PCDH7: variants seen among roughly 807,000 people sequenced by gnomAD.
PCDH7 encodes the protein protocadherin 7.
Under a neutral mutation model 58.9 loss-of-function variants are expected in PCDH7, and 17 were observed. The ratio of observed to expected loss-of-function variants is 0.29; its 90% CI spans 0.20 to 0.43. The LOEUF is 0.43. Ranked by LOEUF, PCDH7 falls within the 20% of genes least tolerant of loss-of-function variation. The probability of loss-of-function intolerance (pLI) is 1.00; values close to 1 mark genes in which losing one functional copy is unlikely to be tolerated. For missense variants in PCDH7, 1,274 were observed against 1,441.0 expected, an observed-to-expected ratio of 0.88 and a Z score of 1.88; for synonymous variants, 664 against 616.4, an observed-to-expected ratio of 1.08 and a Z score of -1.14.
At chr4:31,143,690 G>A (rs1237327701), downstream of PCDH7, 1 of 152,038 alleles carries the variant, frequency 6.6e-6, no homozygotes, top group Non-Finnish European at 1.5e-5. Context: ...TCATCCAAAG[G>A]CCAAAGATCA....
chr4:30,758,427 A>C (rs1719592696), intron 1 of PCDH7, among the ~76,000 whole-genome samples: 1 of 152,204 alleles, frequency 6.6e-6, no homozygotes. Context: ...GACAAATGGA[A>C]TACTTCATAG....
At chr4:30,983,953 C>T (rs1750769005) in intron 3 of PCDH7, among the ~76,000 whole-genome samples, 1 of 152,100 alleles carries the variant, frequency 6.6e-6, no homozygotes, top group Non-Finnish European at 1.5e-5. Flanking sequence ...GTGTGAATTT[C>T]ACAAAAAGCA....
At chr4:30,913,297 T>C (rs1440998058) in intron 1 of PCDH7, among the ~76,000 whole-genome samples, 1 of 151,882 alleles carries the variant, frequency 6.6e-6, no homozygotes, top group African/African-American at 2.4e-5. Context: ...TATATAGTTC[T>C]CTAAAATTAA....
At chr4:30,827,972 G>A (rs535891102) in intron 1 of PCDH7, among the ~76,000 whole-genome samples, 3 of 152,112 alleles carry the variant, frequency 2.0e-5, no homozygotes, top group African/African-American at 7.2e-5. Context: ...TTATTAGCTT[G>A]TGATCCCTGG....
intron 3 of PCDH7, among the ~76,000 whole-genome samples, chr4:31,010,204 T>C (rs1753067867): frequency 6.6e-6 from 1 of 151,986 alleles, no homozygotes; most frequent in Non-Finnish European, 1.5e-5. Context: ...GAGCACCATA[T>C]AAGCATTTTT....
At chr4:30,875,168 A>G (rs769764211) in intron 1 of PCDH7, among the ~76,000 whole-genome samples, 20 of 152,064 alleles carry the variant, frequency 1.3e-4, no homozygotes, top group Non-Finnish European at 2.8e-4. Flanking sequence ...TGCACCGTTG[A>G]TTCCTTCAGG....
At chr4:31,101,179 A>T (rs1714847812) in intron 3 of PCDH7, among the ~76,000 whole-genome samples, 1 of 152,190 alleles carries the variant, frequency 6.6e-6, no homozygotes, top group African/African-American at 2.4e-5. Flanking sequence ...TTTGGTTGAA[A>T]AAATGTTAAG....
intron 1 of PCDH7, among the ~76,000 whole-genome samples, chr4:30,863,103 TGTTCCGGGATCAGA>T (rs1734422140): frequency 6.6e-6 from 1 of 152,180 alleles, no homozygotes; most frequent in Non-Finnish European, 1.5e-5. Flanking sequence ...AATTCGTATG[TGTTCCGGGATCAGA>T]GTACCACTAA....
chr4:31,006,076 A>C (rs1425410669), intron 3 of PCDH7, among the ~76,000 whole-genome samples: 1 of 152,218 alleles, frequency 6.6e-6, no homozygotes, highest in African/African-American at 2.4e-5. Context: ...GGTCAATACA[A>C]ATAAAGGGCT....
At chr4:30,838,709 A>T (rs7656673) in intron 1 of PCDH7, among the ~76,000 whole-genome samples, 5 of 151,748 alleles carry the variant, frequency 3.3e-5, no homozygotes, top group African/African-American at 1.2e-4. Context: ...CTCTCTATGC[A>T]CATCCTGGAA....
intron 1 of PCDH7, among the ~76,000 whole-genome samples, chr4:30,804,954 C>G (rs764663485): frequency 3.3e-5 from 5 of 152,130 alleles, no homozygotes; most frequent in Non-Finnish European, 7.4e-5. Context: ...TCGTTTTGTC[C>G]TTTCTACTCC....
chr4:30,776,857 T>TA (rs2109284337), intron 1 of PCDH7, among the ~76,000 whole-genome samples: 1 of 62,484 alleles, frequency 1.6e-5, no homozygotes, highest in Non-Finnish European at 3.0e-5. Context: ...TTTTGATATG[T>TA]GGTGTGTGTG....
chr4:30,906,653 C>A (rs748580594), intron 1 of PCDH7, among the ~76,000 whole-genome samples: 1 of 152,314 alleles, frequency 6.6e-6, no homozygotes, highest in Admixed American at 6.5e-5. Context: ...AGCAGCTACA[C>A]TTTCCAGTAA....
chr4:31,066,060 C>A (rs1314011911), intron 3 of PCDH7, among the ~76,000 whole-genome samples: 1 of 151,932 alleles, frequency 6.6e-6, no homozygotes, highest in Admixed American at 6.6e-5. Context: ...ATCACACTAA[C>A]CAATGATCAC....
intron 1 of PCDH7, among the ~76,000 whole-genome samples, chr4:30,781,559 G>A (rs1175178528): frequency 6.9e-6 from 1 of 145,856 alleles, no homozygotes; most frequent in African/African-American, 2.5e-5. Context: ...TTTTTGAGAC[G>A]AAGTTTCCCT....
chr4:30,965,880 C>A (rs1272326291), intron 3 of PCDH7, among the ~76,000 whole-genome samples: 1 of 151,972 alleles, frequency 6.6e-6, no homozygotes, highest in South Asian at 2.1e-4. Flanking sequence ...CAGATCCAGC[C>A]AAGTTATTAT....
chr4:31,010,790 T>C (rs1241809151), intron 3 of PCDH7, among the ~76,000 whole-genome samples: 1 of 151,792 alleles, frequency 6.6e-6, no homozygotes, highest in Non-Finnish European at 1.5e-5. Flanking sequence ...CAGCAAATAA[T>C]AAGAATAAGA....
chr4:30,926,389 T>C (rs1445385373), intron 2 of PCDH7, among the ~76,000 whole-genome samples: 1 of 152,106 alleles, frequency 6.6e-6, no homozygotes, highest in Non-Finnish European at 1.5e-5. Context: ...TTTCACCATG[T>C]TAGCTAGGAT....
chr4:30,809,374 A>T (rs192830939), intron 1 of PCDH7, among the ~76,000 whole-genome samples: 3 of 152,098 alleles, frequency 2.0e-5, no homozygotes, highest in Non-Finnish European at 4.4e-5. Context: ...GACATTCCTG[A>T]CCTTGTTATT....
Sources: gnomAD v4.1 joint callset for allele counts (sites outside exome capture counted in the v4.1 genomes callset) on GRCh38, gnomAD v4.1.1 for gene constraint, MANE v1.5 for transcripts, NCBI Gene and HGNC (gene_info 2026-07-23, HGNC 2026-07-21) for gene names.